Variants in COG5 observed in about 807,000 individuals in gnomAD.
COG5 encodes the protein conserved oligomeric Golgi complex subunit 5.
A neutral mutation model predicts 110.4 loss-of-function variants in COG5; 86 were observed. The ratio of observed to expected loss-of-function variants is 0.78; its 90% CI spans 0.65 to 0.93. The LOEUF (loss-of-function observed/expected upper bound fraction) is 0.93. COG5 is among the 40% of genes least tolerant of loss of function. The pLI, the probability that COG5 is intolerant of heterozygous loss-of-function variation, is 0.00. For synonymous variants in COG5, 360 were observed against 334.6 expected, an observed-to-expected ratio of 1.08 and a Z score of -0.83; for missense variants, 1,077 against 987.0, an observed-to-expected ratio of 1.09 and a Z score of -1.22.
chr7:107,271,393 A>C (rs1460974650), intron 14 of COG5, among the ~76,000 whole-genome samples: 1 of 152,160 alleles, frequency 6.6e-6, no homozygotes, highest in East Asian at 1.9e-4. Context: ...CCCCCTTATA[A>C]TACTGAGTCA....
At chr7:107,239,753 A>G (rs1025212514) in intron 17 of COG5, among the ~76,000 whole-genome samples, 3 of 152,164 alleles carry the variant, frequency 2.0e-5, no homozygotes, top group Admixed American at 6.5e-5. Flanking sequence ...GTTCAGGTGC[A>G]TGTTGTTTAA....
intron 2 of COG5, among the ~76,000 whole-genome samples, chr7:107,554,615 A>G (rs1803165177): frequency 6.6e-6 from 1 of 152,188 alleles, no homozygotes; most frequent in Non-Finnish European, 1.5e-5. Flanking sequence ...TAGACTGAGT[A>G]ATTTACAAAC....
intron 6 of COG5, among the ~76,000 whole-genome samples, chr7:107,506,936 A>T (rs940107495): frequency 6.6e-6 from 1 of 152,208 alleles, no homozygotes; most frequent in Non-Finnish European, 1.5e-5. Flanking sequence ...CTTCCATGAG[A>T]TACACTGTGA....
intron 16 of COG5, among the ~76,000 whole-genome samples, chr7:107,256,471 A>G (rs1332779711): frequency 6.6e-6 from 1 of 152,144 alleles, no homozygotes; most frequent in East Asian, 1.9e-4. Context: ...GCCATTAGAT[A>G]AATACATGTA....
intron 11 of COG5, among the ~76,000 whole-genome samples, chr7:107,313,797 A>G (rs2117009495): frequency 6.6e-6 from 1 of 152,290 alleles, no homozygotes; most frequent in Non-Finnish European, 1.5e-5. Flanking sequence ...TCTCTACCTT[A>G]AAATCCTTAA....
intron 14 of COG5, among the ~76,000 whole-genome samples, chr7:107,261,690 C>T (rs1007802345): frequency 6.6e-6 from 1 of 152,164 alleles, no homozygotes; most frequent in African/African-American, 2.4e-5. Context: ...CTTCAACAAT[C>T]TTACTGTTTA....
At chr7:107,377,682 T>C (rs1814748884) in intron 7 of COG5, among the ~76,000 whole-genome samples, 2 of 152,196 alleles carry the variant, frequency 1.3e-5, no homozygotes, top group Non-Finnish European at 2.9e-5. Context: ...AGTTTCCTCA[T>C]GTGCATAACA....
chr7:107,462,372 C>T (rs12533694), intron 6 of COG5, among the ~76,000 whole-genome samples: 19,067 of 152,138 alleles, frequency 0.13, 1,496 homozygotes, highest in Non-Finnish European at 0.17. Flanking sequence ...CACAGGCATA[C>T]ACAAAAAGAC....
chr7:107,208,297 T>C, intron 21 of COG5: 2 of 985,408 alleles, frequency 2.0e-6, no homozygotes, highest in South Asian at 4.7e-5. Flanking sequence ...TGATTTTCAG[T>C]TGCTAAATAT....
intron 8 of COG5, among the ~76,000 whole-genome samples, chr7:107,364,464 C>G (rs1418819285): frequency 6.6e-6 from 1 of 152,062 alleles, no homozygotes; most frequent in Non-Finnish European, 1.5e-5. Context: ...ATTAATGTAT[C>G]AATACGAAAT....
At chr7:107,427,436 T>G (rs1793716268) in intron 6 of COG5, among the ~76,000 whole-genome samples, 2 of 152,180 alleles carry the variant, frequency 1.3e-5, no homozygotes, top group South Asian at 4.1e-4. Flanking sequence ...TTAAATACAT[T>G]TTAGGACAAA....
intron 1 of COG5, chr7:107,563,557 G>GGGGGGGGGT (rs1804165654): frequency 4.2e-6 from 2 of 475,064 alleles, no homozygotes; most frequent in Admixed American, 3.4e-5. Flanking sequence ...GGGGGGGGGG[G>GGGGGGGGGT]GTCGAGTTGA....
intron 12 of COG5, among the ~76,000 whole-genome samples, chr7:107,297,272 A>G (rs1348024562): frequency 2.0e-5 from 3 of 152,118 alleles, no homozygotes; most frequent in Non-Finnish European, 4.4e-5. Flanking sequence ...GCAATATAGT[A>G]TAATAACTCT....
intron 8 of COG5, among the ~76,000 whole-genome samples, chr7:107,364,765 T>A (rs574600122): frequency 2.6e-5 from 4 of 152,300 alleles, no homozygotes; most frequent in Non-Finnish European, 4.4e-5. Context: ...CATGTACCTT[T>A]AGCAAACAGA....
intron 6 of COG5, among the ~76,000 whole-genome samples, chr7:107,413,607 T>C (rs889050341): frequency 1.3e-5 from 2 of 151,150 alleles, no homozygotes; most frequent in South Asian, 2.1e-4. Context: ...CACAGAAGAA[T>C]AGAGGGATTA....
In COG5 at chr7:107,474,197, G is replaced by A. The variant is rs1419439157; in HGVS notation, c.538+53040C>T. The stretch of plus-strand genomic sequence containing the variant: ...TTAAGCTTTCAAGTGTCTCTCACCG[G>A]ATTTCTTATGTTAGAAATTGTGTTG... On this transcript the variant is annotated intron_variant, in intron 6 of 21. Coordinates refer to ENST00000297135, the MANE Select transcript of COG5 (RefSeq NM_006348.5). This position sits in a 1 kb window ranked among gnomAD's most constrained non-coding sequence, Gnocchi z 5.7. The A allele has an allele frequency of 6.2e-7, 1 of 1,612,786 alleles. No homozygotes were observed. Among genetic ancestry groups the A allele is most frequent in the Non-Finnish European group, 8.5e-7 (1 of 1,179,146 alleles).
At chr7:107,517,958 A>C (rs533908174) in intron 6 of COG5, among the ~76,000 whole-genome samples, 1 of 152,268 alleles carries the variant, frequency 6.6e-6, no homozygotes, top group African/African-American at 2.4e-5. Flanking sequence ...GGCGTCCCAA[A>C]GTGCTGGGAT....
chr7:107,392,519 A>G (rs1173945831), intron 7 of COG5, among the ~76,000 whole-genome samples: 1 of 152,188 alleles, frequency 6.6e-6, no homozygotes, highest in East Asian at 1.9e-4. Context: ...GTAACCATTA[A>G]TACCAATTAA....
intron 11 of COG5, among the ~76,000 whole-genome samples, chr7:107,308,880 C>G (rs912662498): frequency 6.6e-6 from 1 of 152,038 alleles, no homozygotes; most frequent in Non-Finnish European, 1.5e-5. Context: ...GTTTTCTGAG[C>G]CCTTTCAATA....
Sources: allele counts gnomAD v4.1 joint callset (sites outside exome capture counted in the v4.1 genomes callset), GRCh38; gene constraint gnomAD v4.1.1; non-coding constraint Gnocchi (gnomAD v3.1); transcripts MANE v1.5; gene names NCBI Gene and HGNC (gene_info 2026-07-23, HGNC 2026-07-21).